Variants in CIB3 observed in about 807,000 individuals in gnomAD.
The protein encoded by CIB3 is calcium and integrin-binding family member 3.
Under a neutral mutation model 23.4 loss-of-function variants are expected in CIB3, and 22 were observed. The ratio of observed to expected loss-of-function variants is 0.94; its 90% CI spans 0.67 to 1.34. The LOEUF is 1.34. Ranked by LOEUF, CIB3 falls within the 40% of genes most tolerant of loss-of-function variation. The pLI is 0.00. For synonymous variants in CIB3, 93 were observed against 95.8 expected, an observed-to-expected ratio of 0.97 and a Z score of 0.17; for missense variants, 258 against 247.3, an observed-to-expected ratio of 1.04 and a Z score of -0.29.
intron 4 of CIB3, among the ~76,000 whole-genome samples, chr19:16,166,216 A>G (rs2091305221): frequency 6.6e-6 from 1 of 152,164 alleles, no homozygotes; most frequent in Non-Finnish European, 1.5e-5. Flanking sequence ...GCTTGAACCC[A>G]GGGAGTGGAA....
rs537973819 is a variant in CIB3, at chr19:16,168,187, C to G, written c.296G>C (p.Ser99Thr). 6.2e-7 allele frequency: 1 copy of G among 1,612,654 alleles called. No homozygotes were observed. Among genetic ancestry groups the G allele is most frequent in the African/African-American group, 1.3e-5 (1 of 75,036 alleles). ...CTTGAGGTCGCGGGGAGCCATTTCACTCATCACGGAAAACATGTCCAAAAA... is the reference window on the plus strand; with the variant it reads ...CTTGAGGTCGCGGGGAGCCATTTCAGTCATCACGGAAAACATGTCCAAAAA... ...DNFLDMFSVM[S>T]EMAPRDLKAY... The change falls in exon 4 of 6, where the codon AGT (serine) becomes ACT (threonine). Residue 99 changes from serine (S) to threonine (T), a missense_variant. Transcript: ENST00000269878.
chr19:16,169,725 G>A lies in CIB3; in HGVS notation c.103C>T (p.Gln35Ter), dbSNP rs746330062. The A allele has an allele frequency of 2.5e-6, 4 of 1,611,028 alleles. No homozygotes were observed. Among genetic ancestry groups the A allele is most frequent in the Admixed American group, 1.7e-5 (1 of 59,430 alleles). The stretch of plus-strand genomic sequence containing the variant: ...GGCACGAGCTGTGGGGCCAGGTCCT[G>A]GTAGCGATAGAAGAGCCTGATGTGG... ...KEIMRLFYRY[Q>*]DLAPQLVPLD... Residue 35 changes from glutamine to a stop codon, truncating the protein, a stop_gained, in exon 3 of 6, where the codon CAG (glutamine) becomes TAG (stop). Transcript: ENST00000269878. LOFTEE classifies it high-confidence loss of function.
chr19:16,166,986 C>T (rs541993678), intron 4 of CIB3, among the ~76,000 whole-genome samples: 5 of 151,982 alleles, frequency 3.3e-5, no homozygotes, highest in East Asian at 1.9e-4. Flanking sequence ...GAGGCTGAGG[C>T]GGGTGGATCA....
rs146360003 is a variant in CIB3 at position 16,172,204 on chromosome 19, G to A, written c.86+958C>T. Among the ~76,000 whole-genome samples the A allele has an allele frequency of 4.2e-3, 632 of 152,276 alleles. 5 individuals are homozygous for A. The highest frequency in any genetic ancestry group is 0.014 in the African/African-American group (581 of 41,554). ...GAGTCTAGCTCTGTCACCCAGGCTGGAGCACAGTGGCGTGATCTCGGCTCA... is the reference window on the plus strand; with the variant it reads ...GAGTCTAGCTCTGTCACCCAGGCTGAAGCACAGTGGCGTGATCTCGGCTCA... On this transcript the variant is annotated intron_variant, in intron 2 of 5. Transcript: ENST00000269878.
intron 4 of CIB3, among the ~76,000 whole-genome samples, chr19:16,167,927 G>A (rs1413134356): frequency 2.6e-5 from 4 of 152,204 alleles, no homozygotes; most frequent in East Asian, 3.8e-4. Context: ...CCCAGAGGCC[G>A]AAGACTGTGT....
chr19:16,173,272 C>T lies in CIB3; in HGVS notation c.52-76G>A. On this transcript the variant is annotated intron_variant, in intron 1 of 5. Transcript: ENST00000269878. ...CCCACGGCCTCCTCCCTCCACCCCA[C>T]ACTCACACAGATGGCCTGATGCTGC... 4 of 1,606,780 alleles carry T rather than the reference C, an allele frequency of 2.5e-6. No homozygotes were observed. The African/African-American group carries it at 4.0e-5, about 16-fold the overall frequency.
chr19:16,166,199 G>A (rs901191824), intron 4 of CIB3, among the ~76,000 whole-genome samples: 3 of 152,202 alleles, frequency 2.0e-5, no homozygotes, highest in African/African-American at 7.2e-5. Flanking sequence ...GCTGAGGCAG[G>A]AGAATCGCTT....
intron 2 of CIB3, among the ~76,000 whole-genome samples, 189 bp downstream of exon 2, chr19:16,172,965 AGAAGGAAG>A (rs71886034): frequency 3.0e-5 from 4 of 135,498 alleles, no homozygotes; most frequent in Admixed American, 8.0e-5. Flanking sequence ...AAAAAAGAAA[AGAAGGAAG>A]GAAGGAAGGA....
In CIB3 at chr19:16,169,629, C is replaced by T; in HGVS notation, c.198+1G>A. 1 of 1,612,562 alleles carries T rather than the reference C, an allele frequency of 6.2e-7. No individual in the cohort carries two copies. The highest frequency in any genetic ancestry group is 8.5e-7 in the Non-Finnish European group (1 of 1,179,134). ...CTGTTTGTCCCATGGCCTGGGCATA[C>T]CTTCAGCTCGGGCATGCTGCCAATG... On this transcript the variant is annotated splice_donor_variant, in intron 3 of 5. Transcript: ENST00000269878. LOFTEE classifies it high-confidence loss of function.
At chr19:16,164,582 T>C (rs1411468548) in intron 5 of CIB3, 136 bp downstream of exon 5, 2 of 843,294 alleles carry the variant, frequency 2.4e-6, no homozygotes, top group Middle Eastern at 3.1e-4. Flanking sequence ...GGACTGAGAC[T>C]AGGGAAATTG....
At chr19:16,168,530 A>G (rs1189836673) in intron 3 of CIB3, among the ~76,000 whole-genome samples, 2 of 152,206 alleles carry the variant, frequency 1.3e-5, no homozygotes, top group East Asian at 3.8e-4. Flanking sequence ...CCAATCAGAG[A>G]GTTCCATTCA....
In CIB3 at chr19:16,169,694, T is replaced by G. The variant is rs752972118; in HGVS notation, c.134A>C (p.Asp45Ala). The G allele has an allele frequency of 8.7e-6, 14 of 1,613,616 alleles. No individual in the cohort carries two copies. Among genetic ancestry groups the G allele is most frequent in the Non-Finnish European group, 1.1e-5 (13 of 1,179,704 alleles). ...QDLAPQLVPL[D>A]YTTCPDVKVP... ...CTTCACATCGGGGCAGGTGGTATAG[T>G]CGAGGGGCACGAGCTGTGGGGCCAG... The change falls in exon 3 of 6, where the codon GAC becomes GCC. Residue 45 changes from aspartate (D) to alanine (A), a missense_variant. Coordinates refer to ENST00000269878, the MANE Select transcript of CIB3 (RefSeq NM_054113.4).
intron 2 of CIB3, among the ~76,000 whole-genome samples, chr19:16,171,623 T>C (rs1296700246): frequency 2.0e-5 from 3 of 152,200 alleles, no homozygotes; most frequent in African/African-American, 7.2e-5. Context: ...TCTCCCTCTC[T>C]GTGCCTTGGT....
At chr19:16,164,629 GA>G in intron 5 of CIB3, 88 bp downstream of exon 5, 1 of 1,218,758 alleles carries the variant, frequency 8.2e-7, no homozygotes, top group Non-Finnish European at 1.2e-6. Flanking sequence ...ATGAATAGAG[GA>G]ATTTTCAGAA....
intron 2 of CIB3, 34 bp from the exon 3 acceptor site, chr19:16,169,775 G>A (rs1302121771): frequency 2.0e-6 from 3 of 1,535,242 alleles, no homozygotes; most frequent in Non-Finnish European, 1.8e-6. Context: ...GGAAAGACTG[G>A]GAGCAGGGAG....
chr19:16,169,341 A>G (rs529133601), intron 3 of CIB3, among the ~76,000 whole-genome samples: 11 of 152,050 alleles, frequency 7.2e-5, no homozygotes, highest in African/African-American at 2.4e-4. Context: ...ACGGGGTTTC[A>G]CCATGTTGGC....
At chr19:16,167,597 C>T (rs1410556656) in intron 4 of CIB3, among the ~76,000 whole-genome samples, 2 of 151,690 alleles carry the variant, frequency 1.3e-5, no homozygotes, top group Admixed American at 6.6e-5. Flanking sequence ...TTTGGGAGGC[C>T]GAGGCGGGCG....
chr19:16,162,522 T>A (rs1235860269), intron 5 of CIB3, among the ~76,000 whole-genome samples: 3 of 152,020 alleles, frequency 2.0e-5, no homozygotes, highest in Admixed American at 6.6e-5. Context: ...GAGGCCAAGA[T>A]GGACAGATCA....
At position 16,173,036 on chromosome 19, in the gene CIB3, CTACT is replaced by C. The variant is rs1456814029; in HGVS notation, c.86+122_86+125del. On this transcript the variant is annotated intron_variant, in intron 2 of 5. Transcript: ENST00000269878. ...GAAAAGAGAAAGAAAGAAAGAAAGA[CTACT>C]TACACACACACACACACACACACAC... is the stretch of plus-strand genomic sequence containing the variant. 5.7e-6 allele frequency: 6 copies of C among 1,057,066 alleles called. No homozygotes were observed. In the African/African-American group the frequency reaches 1.0e-4, roughly 18 times the overall value. 65.5% of individuals were successfully genotyped at this position (1,057,066 alleles called of 1,614,324 possible).
Sources: allele counts gnomAD v4.1 joint callset (sites outside exome capture counted in the v4.1 genomes callset), GRCh38; gene constraint gnomAD v4.1.1; transcripts MANE v1.5; gene names NCBI Gene and HGNC (gene_info 2026-07-23, HGNC 2026-07-21).